The following SLC4A10 variants were observed in gnomAD, a reference collection of about 807,000 sequenced individuals.
SLC4A10 encodes the protein sodium-driven chloride bicarbonate exchanger.
A neutral mutation model predicts 137.7 loss-of-function variants in SLC4A10; 42 were observed. The ratio of observed to expected loss-of-function variants is 0.30; its 90% confidence interval spans 0.24 to 0.39. SLC4A10 has a LOEUF of 0.39. SLC4A10 is among the 10% of genes least tolerant of loss of function. SLC4A10 has a pLI of 1.00. For synonymous variants in SLC4A10, 474 were observed against 464.1 expected, an observed-to-expected ratio of 1.02 and a Z score of -0.27; for missense variants, 925 against 1,355.0, an observed-to-expected ratio of 0.68 and a Z score of 4.98.
intron 1 of SLC4A10, among the ~76,000 whole-genome samples, chr2:161,637,089 A>G (rs1162129395): frequency 1.6e-5 from 2 of 125,134 alleles, no homozygotes; most frequent in Non-Finnish European, 3.6e-5. Context: ...ACGTATATAC[A>G]TATACGTATA....
chr2:161,877,548 T>G (rs996240253), intron 8 of SLC4A10, among the ~76,000 whole-genome samples: 11 of 151,994 alleles, frequency 7.2e-5, no homozygotes, highest in African/African-American at 2.7e-4. Context: ...TGTACATTTC[T>G]CCTAACTAGA....
chr2:161,879,921 G>C (rs1267426816), intron 9 of SLC4A10, among the ~76,000 whole-genome samples: 1 of 151,782 alleles, frequency 6.6e-6, no homozygotes, highest in Non-Finnish European at 1.5e-5. Context: ...TAACAACTTA[G>C]GGATAATACA....
intron 21 of SLC4A10, among the ~76,000 whole-genome samples, chr2:161,960,493 G>A (rs536150525): frequency 8.6e-4 from 130 of 152,030 alleles, no homozygotes; most frequent in South Asian, 3.8e-3. Context: ...ACCAAGGCGG[G>A]TGGATCACCT....
chr2:161,812,374 T>A (rs1378627962), intron 3 of SLC4A10, among the ~76,000 whole-genome samples: 1 of 152,018 alleles, frequency 6.6e-6, no homozygotes, highest in Non-Finnish European at 1.5e-5. Flanking sequence ...TCTTTCATTT[T>A]TTTTTAACTT....
chr2:161,896,429 A>G (rs1213901867), intron 11 of SLC4A10, among the ~76,000 whole-genome samples: 1 of 152,072 alleles, frequency 6.6e-6, no homozygotes, highest in Non-Finnish European at 1.5e-5. Flanking sequence ...ACTTTAAAGT[A>G]GTTTTTTTCC....
At chr2:161,977,334 C>A (rs895324504) in intron 25 of SLC4A10, 61 of 456,816 alleles carry the variant, frequency 1.3e-4, no homozygotes, top group African/African-American at 1.2e-3. Flanking sequence ...TGAAAGTCTT[C>A]CCTAAACTTC....
At chr2:161,739,608 A>T (rs2047676233) in intron 1 of SLC4A10, among the ~76,000 whole-genome samples, 1 of 152,096 alleles carries the variant, frequency 6.6e-6, no homozygotes, top group Admixed American at 6.6e-5. Flanking sequence ...TCCTATCAAG[A>T]TCCATTTTTA....
chr2:161,699,438 A>T (rs1334141685), intron 1 of SLC4A10, among the ~76,000 whole-genome samples: 1 of 152,146 alleles, frequency 6.6e-6, no homozygotes, highest in East Asian at 1.9e-4. Context: ...TGAAATAGCC[A>T]CCCCGGCATA....
intron 11 of SLC4A10, among the ~76,000 whole-genome samples, chr2:161,898,883 A>C (rs951144594): frequency 2.6e-5 from 4 of 152,106 alleles, no homozygotes; most frequent in African/African-American, 9.7e-5. Flanking sequence ...TTTGTGTTGC[A>C]GGTTCATCAT....
At chr2:161,802,268 G>A (rs187753747) in intron 2 of SLC4A10, among the ~76,000 whole-genome samples, 5 of 151,756 alleles carry the variant, frequency 3.3e-5, no homozygotes, top group Non-Finnish European at 7.4e-5. Context: ...ACATAATATC[G>A]GATTTTTTTC....
At chr2:161,973,697 G>T (rs1411945831) in intron 23 of SLC4A10, among the ~76,000 whole-genome samples, 2 of 152,066 alleles carry the variant, frequency 1.3e-5, no homozygotes, top group African/African-American at 4.8e-5. Flanking sequence ...ATGGTCACCA[G>T]ACCAGCATAA....
intron 1 of SLC4A10, among the ~76,000 whole-genome samples, chr2:161,761,687 G>A (rs1240190267): frequency 2.6e-5 from 4 of 152,020 alleles, no homozygotes. Context: ...TAGATGTTAG[G>A]CCCACTAGGA....
At chr2:161,721,914 C>T (rs1385926050) in intron 1 of SLC4A10, among the ~76,000 whole-genome samples, 2 of 152,090 alleles carry the variant, frequency 1.3e-5, no homozygotes, top group Non-Finnish European at 2.9e-5. Context: ...AATCTTGTCG[C>T]CTGTCTTACT....
chr2:161,812,835 T>C (rs183477837), intron 3 of SLC4A10, among the ~76,000 whole-genome samples: 23 of 152,264 alleles, frequency 1.5e-4, no homozygotes, highest in East Asian at 1.2e-3. Flanking sequence ...TGCACGTATA[T>C]GTCAGATTTC....
intron 6 of SLC4A10, among the ~76,000 whole-genome samples, chr2:161,865,685 C>T (rs1373880825): frequency 6.6e-6 from 1 of 151,866 alleles, no homozygotes; most frequent in Non-Finnish European, 1.5e-5. Flanking sequence ...AGTAAATCTC[C>T]TACCCAAAAG....
chr2:161,777,104 ATTAAAATTAATTTTTAATTTAAAAAAG>A (rs1212652167), intron 2 of SLC4A10, among the ~76,000 whole-genome samples: 2 of 151,636 alleles, frequency 1.3e-5, no homozygotes, highest in African/African-American at 2.4e-5. Flanking sequence ...ATTTAAAAAA[ATTAAAATTAATTTTTAATTTAAAAAAG>A]TTAAAATTAA....
intron 2 of SLC4A10, among the ~76,000 whole-genome samples, chr2:161,800,946 T>C (rs768993404): frequency 3.2e-4 from 48 of 152,078 alleles, no homozygotes; most frequent in Non-Finnish European, 5.7e-4. Flanking sequence ...CAGCCATCAC[T>C]GAGAGATTGT....
At chr2:161,959,696 T>G (rs1045762155) in intron 21 of SLC4A10, among the ~76,000 whole-genome samples, 2 of 152,204 alleles carry the variant, frequency 1.3e-5, no homozygotes, top group African/African-American at 4.8e-5. Flanking sequence ...AAGTCATACA[T>G]GGTCTTTCCA....
intron 1 of SLC4A10, among the ~76,000 whole-genome samples, chr2:161,724,299 T>C (rs1334512057): frequency 1.3e-5 from 2 of 152,162 alleles, no homozygotes; most frequent in African/African-American, 4.8e-5. Flanking sequence ...GGCTCACCAT[T>C]ACTTTCAAGA....
Sources: gnomAD v4.1 joint callset for allele counts (sites outside exome capture counted in the v4.1 genomes callset) on GRCh38, gnomAD v4.1.1 for gene constraint, MANE v1.5 for transcripts, NCBI Gene and HGNC (gene_info 2026-07-23, HGNC 2026-07-21) for gene names.